Variants in ERC2 observed in about 807,000 individuals in gnomAD.
The protein encoded by ERC2 is ELKS/RAB6-interacting/CAST family member 2, also known as ERC protein 2.
Under a neutral mutation model 114.8 loss-of-function variants are expected in ERC2, and 42 were observed. That is an observed-to-expected ratio of 0.37 (90% CI 0.29 to 0.47). ERC2 has a LOEUF of 0.47. Ranked by LOEUF, ERC2 falls within the 20% of genes least tolerant of loss-of-function variation. The probability of loss-of-function intolerance (pLI) is 0.99; values close to 1 mark genes in which losing one functional copy is unlikely to be tolerated. For synonymous variants in ERC2, 454 were observed against 425.5 expected, an observed-to-expected ratio of 1.07 and a Z score of -0.82; for missense variants, 939 against 1,150.7, an observed-to-expected ratio of 0.82 and a Z score of 2.66.
Position 56,010,498 on chromosome 3 carries a change from T to C in ERC2, c.1871A>G (p.Asp624Gly). The change falls in exon 9 of 18, where the codon GAC (aspartate) becomes GGC (glycine). Residue 624 changes from aspartate (D) to glycine (G), a missense_variant. Around this residue, in one of 5 missense-constraint regions of ERC2, gnomAD observed 149 missense variants for 254.6 expected, o/e 0.59. Transcript: ENST00000288221. The stretch of plus-strand genomic sequence containing the variant: ...TAAAGCATTGACCTTCTCTTTCAGG[T>C]CTTTGTTCTCTTTTCGGAAGGATTC... The part of the protein sequence containing the change: ...EIESFRKENK[D>G]LKEKVNALQA... The C allele has an allele frequency of 6.2e-7, 1 of 1,613,678 alleles. No individual in the cohort carries two copies. The highest frequency in any genetic ancestry group is 1.1e-5 in the South Asian group (1 of 91,070).
At chr3:55,696,421 C>G (rs930290527) in intron 16 of ERC2, among the ~76,000 whole-genome samples, 2 of 152,218 alleles carry the variant, frequency 1.3e-5, no homozygotes, top group African/African-American at 4.8e-5. Flanking sequence ...TGAAAGAGAC[C>G]TTTCCCCTTT....
At chr3:55,679,744 G>A (rs554309396) in intron 17 of ERC2, among the ~76,000 whole-genome samples, 5 of 152,330 alleles carry the variant, frequency 3.3e-5, no homozygotes, top group Admixed American at 6.5e-5. Flanking sequence ...CTGTACAGGC[G>A]GTGTGAAAGA....
At chr3:56,354,442 G>C (rs75993426) in intron 2 of ERC2, among the ~76,000 whole-genome samples, 3,438 of 152,224 alleles carry the variant, frequency 0.023, 41 homozygotes, top group South Asian at 0.071. Context: ...CATGGTTAGG[G>C]AGGGGGTGCT....
chr3:55,936,937 A>G (rs2066480367), intron 13 of ERC2, among the ~76,000 whole-genome samples: 1 of 152,212 alleles, frequency 6.6e-6, no homozygotes, highest in Non-Finnish European at 1.5e-5. Context: ...TACTACCATC[A>G]CCCGAAACTT....
intron 3 of ERC2, among the ~76,000 whole-genome samples, chr3:56,195,936 T>C (rs567094652): frequency 6.6e-6 from 1 of 152,142 alleles, no homozygotes; most frequent in South Asian, 2.1e-4. Flanking sequence ...AACCTGACCA[T>C]CAGGACAGCA....
intron 2 of ERC2, among the ~76,000 whole-genome samples, chr3:56,422,704 A>G (rs2061431440): frequency 6.6e-6 from 1 of 152,184 alleles, no homozygotes; most frequent in South Asian, 2.1e-4. Context: ...TTTCCCTTCA[A>G]GACAGTGGAA....
At chr3:56,278,435 T>C (rs1025792170) in intron 3 of ERC2, among the ~76,000 whole-genome samples, 1 of 152,212 alleles carries the variant, frequency 6.6e-6, no homozygotes, top group Non-Finnish European at 1.5e-5. Context: ...AAAGAATTGT[T>C]GCAAACTGCA....
At chr3:56,358,768 G>A (rs1278291525) in intron 2 of ERC2, among the ~76,000 whole-genome samples, 1 of 152,218 alleles carries the variant, frequency 6.6e-6, no homozygotes, top group Non-Finnish European at 1.5e-5. Context: ...TGGGATAATG[G>A]TGCTTGCCTC....
intron 13 of ERC2, among the ~76,000 whole-genome samples, chr3:55,948,811 G>T (rs1324310393): frequency 6.6e-6 from 1 of 152,172 alleles, no homozygotes; most frequent in Non-Finnish European, 1.5e-5. Context: ...TTGTATATCA[G>T]ATTAGAACTG....
Position 56,204,047 on chromosome 3 carries a change from G to A in ERC2, c.1075-30527C>T, listed in dbSNP as rs151226675. ...ATACACACACAAAAAAAAGTTAGCC[G>A]GGCGTGGTGGCAGTCACCTGTAATC... On this transcript the variant is annotated intron_variant, in intron 3 of 17. Transcript: ENST00000288221. Among the ~76,000 whole-genome samples, 353 of 152,214 alleles carry A rather than the reference G, an allele frequency of 2.3e-3. 1 individual carries two copies. The highest frequency in any genetic ancestry group is 0.01 in the East Asian group (53 of 5,176).
chr3:55,850,647 C>T (rs1390258895), intron 14 of ERC2, among the ~76,000 whole-genome samples: 1 of 151,998 alleles, frequency 6.6e-6, no homozygotes, highest in Non-Finnish European at 1.5e-5. Context: ...ATCTAAAATC[C>T]CTGAACTAGA....
At chr3:56,437,734 G>A (rs1321186986) in intron 1 of ERC2, among the ~76,000 whole-genome samples, 1 of 152,194 alleles carries the variant, frequency 6.6e-6, no homozygotes, top group Non-Finnish European at 1.5e-5. Context: ...GTGTAAAAAA[G>A]AGGGGATCAA....
chr3:55,969,285 GA>G (rs1254456944), intron 12 of ERC2, among the ~76,000 whole-genome samples: 1 of 152,024 alleles, frequency 6.6e-6, no homozygotes, highest in African/African-American at 2.4e-5. Flanking sequence ...AGCTTTAATG[GA>G]TACTTTTGGA....
chr3:56,119,543 T>A (rs934400934), intron 6 of ERC2, among the ~76,000 whole-genome samples: 12 of 152,226 alleles, frequency 7.9e-5, no homozygotes, highest in Non-Finnish European at 1.5e-4. Flanking sequence ...AACCACCTTT[T>A]ACTCTTGCAT....
chr3:56,007,375 C>A (rs1453847192), intron 9 of ERC2, 54 bp from the exon 10 acceptor site: 7 of 1,497,838 alleles, frequency 4.7e-6, no homozygotes, highest in Non-Finnish European at 6.4e-6. Context: ...ACTAGCAATG[C>A]CTTCAATTTG....
At chr3:56,451,584 A>G (rs528900049) in intron 1 of ERC2, among the ~76,000 whole-genome samples, 1 of 152,368 alleles carries the variant, frequency 6.6e-6, no homozygotes, top group Admixed American at 6.5e-5. Flanking sequence ...AATGGTATAC[A>G]GAAACCCCCT....
intron 2 of ERC2, among the ~76,000 whole-genome samples, chr3:56,433,056 T>C (rs565494767): frequency 1.3e-3 from 194 of 151,608 alleles, no homozygotes; most frequent in African/African-American, 4.5e-3. Flanking sequence ...TATGTGCCCG[T>C]AGTCCCAGCT....
At chr3:55,736,270 CCT>C (rs1323665781) in intron 14 of ERC2, among the ~76,000 whole-genome samples, 1 of 152,190 alleles carries the variant, frequency 6.6e-6, no homozygotes, top group Non-Finnish European at 1.5e-5. Context: ...GCCATGACAA[CCT>C]CTCTGAGGGC....
chr3:56,331,135 C>T (rs1170003113), intron 2 of ERC2, among the ~76,000 whole-genome samples: 1 of 152,194 alleles, frequency 6.6e-6, no homozygotes, highest in East Asian at 1.9e-4. Context: ...CTTCTGTGTT[C>T]ACCTGTCCTT....
Sources: allele counts gnomAD v4.1 joint callset (sites outside exome capture counted in the v4.1 genomes callset), GRCh38; gene constraint gnomAD v4.1.1; regional missense constraint gnomAD v4.1.1; transcripts MANE v1.5; gene names NCBI Gene and HGNC (gene_info 2026-07-23, HGNC 2026-07-21).